Variants in DIP2A observed in about 807,000 individuals in gnomAD.
DIP2A encodes disco-interacting protein 2 homolog A.
In DIP2A, 85 loss-of-function variants were observed where a neutral mutation model predicts 177.4. The ratio of observed to expected loss-of-function variants is 0.48; its 90% CI spans 0.40 to 0.57. The LOEUF (loss-of-function observed/expected upper bound fraction) is 0.57, where lower values mean the gene tolerates loss of function less well. Among genes scored for constraint, DIP2A ranks in the 20% least tolerant of loss-of-function variants. DIP2A has a pLI of 0.00. For synonymous variants in DIP2A, 886 were observed against 881.8 expected, an observed-to-expected ratio of 1.00 and a Z score of -0.08; for missense variants, 1,791 against 2,100.2, an observed-to-expected ratio of 0.85 and a Z score of 2.88.
At position 46,537,288 on chromosome 21, in the gene DIP2A, A is replaced by G. The variant is rs777904964; in HGVS notation, c.1707A>G (p.Thr569=). 4 of 1,613,904 alleles carry G rather than the reference A, an allele frequency of 2.5e-6. No homozygotes were observed. In the Admixed American group the frequency reaches 5.0e-5, roughly 20 times the overall value. ...RDAGLWHGVL[T]SVMNRMHVVS... ...CTGGTCTGTGGCATGGCGTGTTAAC[A>G]GTGAGTGTTGTTTGCTGATGACTAA... is the stretch of plus-strand genomic sequence containing the variant. Residue 569 remains threonine (T), a splice_region_variant and synonymous_variant, in exon 14 of 38, where the codon ACA becomes ACG. Transcript: ENST00000417564. The surrounding 1 kb of genome is among the most constrained non-coding windows in gnomAD (Gnocchi z 4.1).
rs1430805253 is a variant in DIP2A, at chr21:46,538,523, T to C, written c.1842T>C (p.Ser614=). ...ALVKSRDMHW[S]LLAQRGQRDV... The stretch of plus-strand genomic sequence containing the variant: ...TGAAGTCGCGAGACATGCACTGGTC[T>C]CTCCTAGCTCAGCGGGGCCAGAGGG... Residue 614 remains serine, a synonymous_variant, in exon 16 of 38, where the codon TCT becomes TCC. Transcript: ENST00000417564. The C allele has an allele frequency of 1.3e-6, 2 of 1,558,556 alleles. No homozygotes were observed. Among genetic ancestry groups the C allele is most frequent in the Admixed American group, 3.8e-5 (2 of 52,718 alleles).
At position 46,547,023 on chromosome 21, in the gene DIP2A, A is replaced by C; in HGVS notation, c.2503A>C (p.Lys835Gln). 1.2e-6 allele frequency: 2 copies of C among 1,613,970 alleles called. No homozygotes were observed. Among genetic ancestry groups the C allele is most frequent in the Non-Finnish European group, 1.7e-6 (2 of 1,179,868 alleles). Reference protein sequence around the residue: ...VATALAVEPMKFVYRGRIAVF... With the variant: ...VATALAVEPMQFVYRGRIAVF... The stretch of plus-strand genomic sequence containing the variant: ...CACCGCACTGGCCGTGGAGCCCATG[A>C]AGTTTGTCTACAGAGGCAGGTGATG... The change falls in exon 21 of 38, where the codon AAG becomes CAG. Residue 835 changes from lysine (K) to glutamine (Q), a missense_variant. Lys to Gln is a moderately conservative substitution (Grantham distance 53, BLOSUM62 1). Transcript: ENST00000417564.
chr21:46,478,654 T>G (rs903597248), intron 1 of DIP2A, among the ~76,000 whole-genome samples: 5 of 152,358 alleles, frequency 3.3e-5, no homozygotes, highest in African/African-American at 1.2e-4. Context: ...AATGTTTTTA[T>G]AATGTTGTTA....
chr21:46,509,475 A>G (rs2058200148), intron 7 of DIP2A, 99 bp downstream of exon 7: 2 of 1,381,950 alleles, frequency 1.4e-6, no homozygotes, highest in Non-Finnish European at 9.5e-7. Context: ...GGATATTGCT[A>G]TATATATTCT....
At position 46,547,056 on chromosome 21, in the gene DIP2A, G is replaced by T; in HGVS notation, c.2522+14G>T. 6.2e-7 allele frequency: 1 copy of T among 1,611,802 alleles called. No individual in the cohort carries two copies. The highest frequency in any genetic ancestry group is 1.1e-5 in the South Asian group (1 of 90,974). On this transcript the variant is annotated intron_variant, in intron 21 of 37. Coordinates refer to ENST00000417564, the MANE Select transcript of DIP2A (RefSeq NM_015151.4). ...CTACAGAGGCAGGTGATGCGCTGCG[G>T]ACCCCCACGCCGGGAGTAGATTCCT...
chr21:46,545,023 G>A, intron 18 of DIP2A, 114 bp from the exon 19 acceptor site: 1 of 966,876 alleles, frequency 1.0e-6, no homozygotes, highest in Non-Finnish European at 1.5e-6. Context: ...ATAAGAAGGT[G>A]CTGTGTATAT....
At chr21:46,477,057 A>C (rs1051464993) in intron 1 of DIP2A, among the ~76,000 whole-genome samples, 3 of 152,050 alleles carry the variant, frequency 2.0e-5, no homozygotes, top group African/African-American at 7.2e-5. Context: ...TTCAAGTTTT[A>C]CACTGGTCAG....
rs1383114590 is a variant in DIP2A, at chr21:46,463,715, TG to T, written c.91+4494del. ...GTGTGTGTGTGTGTGTGTGTGTGTG[TG>T]TGTATATTTTGAGACGGAGTCTCAC... On this transcript the variant is annotated intron_variant, in intron 1 of 37. Transcript: ENST00000417564. Among the ~76,000 whole-genome samples the T allele has an allele frequency of 2.5e-3, 318 of 129,308 alleles. 2 individuals carry two copies. The highest frequency in any genetic ancestry group is 0.018 in the South Asian group (79 of 4,502). 84.8% of individuals were successfully genotyped at this position (129,308 alleles called of 152,430 possible). A position where few individuals can be genotyped will look rare whatever the true frequency, so the allele number is the denominator to read the frequency against.
chr21:46,505,466 G>A (rs893673299), intron 6 of DIP2A, among the ~76,000 whole-genome samples: 4 of 152,078 alleles, frequency 2.6e-5, no homozygotes, highest in African/African-American at 9.7e-5. Context: ...AAAATTAGCC[G>A]AGTGTGGTGG....
chr21:46,521,842 A>G (rs2058837454), intron 8 of DIP2A, among the ~76,000 whole-genome samples: 1 of 152,240 alleles, frequency 6.6e-6, no homozygotes, highest in African/African-American at 2.4e-5. Context: ...GCATTATTCT[A>G]TCCAACTGAA....
the DIP2A span, among the ~76,000 whole-genome samples, chr21:46,580,931 T>TA: frequency 6.6e-6 from 1 of 152,198 alleles, no homozygotes; most frequent in Non-Finnish European, 1.5e-5. Flanking sequence ...TTGGGGCTGA[T>TA]CTTCTCATGG....
intron 16 of DIP2A, chr21:46,539,452 C>T: frequency 3.6e-6 from 1 of 276,112 alleles, no homozygotes; most frequent in South Asian, 3.5e-5. Context: ...GGTTCTGCAG[C>T]ACTGCTCAGG....
At position 46,497,005 on chromosome 21, in the gene DIP2A, G is replaced by A; in HGVS notation, c.301G>A (p.Val101Met). 6 of 1,603,614 alleles carry A rather than the reference G, an allele frequency of 3.7e-6. No individual in the cohort carries two copies. The highest frequency in any genetic ancestry group is 4.5e-5 in the East Asian group (2 of 44,268). ...RFRSDVHTEA[V>M]QAALAKYKER... ...CTGTGTAGATGTCCACACTGAAGCC[G>A]TGCAAGCAGCTTTGGCCAAATACAA... is the stretch of plus-strand genomic sequence containing the variant. Residue 101 changes from valine (V) to methionine (M), a missense_variant, in exon 4 of 38, where the codon GTG becomes ATG. Physicochemically the swap from Val to Met is conservative, Grantham distance 21. Transcript: ENST00000417564.
At chr21:46,547,311 G>A (rs2060093598) in intron 21 of DIP2A, 3 of 905,848 alleles carry the variant, frequency 3.3e-6, no homozygotes, top group Non-Finnish European at 4.3e-6. Context: ...GACAAATCAG[G>A]GAGGGAAGAA....
At chr21:46,533,830 T>G (rs1400876961) in intron 11 of DIP2A, among the ~76,000 whole-genome samples, 174 bp from the exon 12 acceptor site, 1 of 152,270 alleles carries the variant, frequency 6.6e-6, no homozygotes, top group African/African-American at 2.4e-5. Flanking sequence ...CTGTCTAATG[T>G]GGTAGCCACT....
At chr21:46,554,320 G>A (rs1348627111) in intron 26 of DIP2A, 28 bp downstream of exon 26, 1 of 1,611,408 alleles carries the variant, frequency 6.2e-7, no homozygotes, top group African/African-American at 1.3e-5. Context: ...CTGTCCACCT[G>A]CAGCTCTTTG....
At position 46,550,593 on chromosome 21, in the gene DIP2A, T is replaced by C; in HGVS notation, c.2688T>C (p.Pro896=). 6.2e-7 allele frequency: 1 copy of C among 1,613,810 alleles called. No individual in the cohort carries two copies. The highest frequency in any genetic ancestry group is 1.3e-5 in the African/African-American group (1 of 75,020). The change falls in exon 23 of 38, where the codon CCT becomes CCC. Residue 896 remains proline (P), a synonymous_variant. Transcript: ENST00000417564. ...QVGVYCLALV[P]ANTLPKAPLG... is the part of the protein sequence containing the mutation. ...GCGTGTACTGTCTGGCCCTGGTTCC[T>C]GCCAACACCTTGCCCAAGGCTCCTC... is the stretch of plus-strand genomic sequence containing the variant.
At chr21:46,483,004 G>A (rs959912190) in intron 1 of DIP2A, among the ~76,000 whole-genome samples, 1 of 152,176 alleles carries the variant, frequency 6.6e-6, no homozygotes, top group African/African-American at 2.4e-5. Context: ...GCAGCACTGA[G>A]CATGTTGGTG....
chr21:46,519,251 A>G (rs1426558123), intron 8 of DIP2A, among the ~76,000 whole-genome samples: 3 of 152,156 alleles, frequency 2.0e-5, no homozygotes, highest in African/African-American at 4.8e-5. Context: ...TTCACCACAC[A>G]TGCTGTTTTA....
Sources: gnomAD v4.1 joint callset for allele counts (sites outside exome capture counted in the v4.1 genomes callset) on GRCh38, gnomAD v4.1.1 for gene constraint, Gnocchi (gnomAD v3.1) non-coding constraint, MANE v1.5 for transcripts, NCBI Gene and HGNC (gene_info 2026-07-23, HGNC 2026-07-21) for gene names.